TLE3: variants seen among roughly 807,000 people sequenced by gnomAD.
TLE3 encodes the protein transducin-like enhancer protein 3.
TLE3 carries 14 observed loss-of-function variants against 93.0 expected under a neutral mutation model. The observed-to-expected ratio is 0.15, with a 90% confidence interval of 0.10 to 0.24. The LOEUF (loss-of-function observed/expected upper bound fraction) is 0.24. TLE3 is among the 10% of genes least tolerant of loss of function. The pLI, the probability that TLE3 is intolerant of heterozygous loss-of-function variation, is 1.00. For missense variants in TLE3, 693 were observed against 1,046.6 expected, an observed-to-expected ratio of 0.66 and a Z score of 4.66; for synonymous variants, 451 against 425.0, an observed-to-expected ratio of 1.06 and a Z score of -0.75.
chr15:70,053,563 T>C, intron 16 of TLE3, 189 bp from the exon 17 acceptor site: 1 of 568,466 alleles, frequency 1.8e-6, no homozygotes, highest in African/African-American at 1.9e-5. Context: ...CTCTTTCCAG[T>C]TCCACGGAAG....
chr15:70,089,812 T>A (rs1316776530), intron 4 of TLE3, among the ~76,000 whole-genome samples: 1 of 152,198 alleles, frequency 6.6e-6, no homozygotes, highest in African/African-American at 2.4e-5. Flanking sequence ...AAAGGAGATT[T>A]ATTCCTTGAC....
intron 4 of TLE3, among the ~76,000 whole-genome samples, chr15:70,086,808 T>C (rs1447355789): frequency 1.3e-5 from 2 of 152,152 alleles, no homozygotes; most frequent in Non-Finnish European, 2.9e-5. Context: ...TCAGCACTTG[T>C]CTCTTCCGCA....
chr15:70,060,783 G>T, intron 8 of TLE3, 134 bp from the exon 9 acceptor site: 1 of 1,477,080 alleles, frequency 6.8e-7, no homozygotes, highest in Non-Finnish European at 9.1e-7. Context: ...CTGCCCTGCA[G>T]ATCGTGGCTC....
chr15:70,079,326 G>A (rs745333951), intron 4 of TLE3: 1 of 494,370 alleles, frequency 2.0e-6, no homozygotes, highest in Non-Finnish European at 4.1e-6. Context: ...TGCAAGGCAG[G>A]AAGGACTTTG....
At chr15:70,080,634 C>A (rs1483672280) in intron 4 of TLE3, among the ~76,000 whole-genome samples, 3 of 152,176 alleles carry the variant, frequency 2.0e-5, no homozygotes, top group South Asian at 2.1e-4. Context: ...CTGTTCCATG[C>A]GCCTTAGTAG....
chr15:70,059,112 G>A (rs1327912647), intron 10 of TLE3, among the ~76,000 whole-genome samples: 1 of 152,170 alleles, frequency 6.6e-6, no homozygotes, highest in Non-Finnish European at 1.5e-5. Context: ...CTGAGGCTGA[G>A]ACCCTGGGGG....
intron 6 of TLE3, among the ~76,000 whole-genome samples, chr15:70,069,935 AAC>A (rs1395829262): frequency 6.6e-6 from 1 of 152,274 alleles, no homozygotes; most frequent in African/African-American, 2.4e-5. Flanking sequence ...AATGTGCTCA[AAC>A]ACAGTGATGT....
intron 18 of TLE3, among the ~76,000 whole-genome samples, chr15:70,052,102 G>A (rs2055603750): frequency 6.6e-6 from 1 of 152,214 alleles, no homozygotes; most frequent in East Asian, 1.9e-4. Flanking sequence ...CACTGCTACT[G>A]TCCTGTTCCT....
chr15:70,097,829 G>C lies in TLE3; in HGVS notation c.-1031C>G. ...ACACACACACACCAAAAAAAAAAGT[G>C]CCCCGGACCTACGGATACCACACAC... On this transcript the variant is annotated 5_prime_UTR_variant, in exon 1 of 20. Transcript: ENST00000451782. The C allele has an allele frequency of 2.7e-6, 1 of 364,232 alleles. No homozygotes were observed. Among genetic ancestry groups the C allele is most frequent in the Admixed American group, 4.6e-5 (1 of 21,558 alleles). The allele number at this position is 364,232 out of a possible 1,614,324, so 22.6% of individuals were successfully genotyped here.
At position 70,048,167 on chromosome 15, in the gene TLE3, CT is replaced by C. The variant is rs1265410449; in HGVS notation, c.*1929del. 1.3e-5 allele frequency: 2 copies of C among 151,838 alleles called. No individual in the cohort carries two copies. Among genetic ancestry groups the C allele is most frequent in the Non-Finnish European group, 2.9e-5 (2 of 68,016 alleles). The allele number at this position is 151,838 out of a possible 1,614,324, so 9.4% of individuals were successfully genotyped here. On this transcript the variant is annotated 3_prime_UTR_variant, in exon 20 of 20. Transcript: ENST00000451782. ...GGGGGCGGGGGGCGGGACTGGCAAA[CT>C]GGGGGGAGAGGCAATTAAGACGCAA... is the stretch of plus-strand genomic sequence containing the variant.
chr15:70,074,201 C>T (rs1250514210), intron 6 of TLE3, among the ~76,000 whole-genome samples: 1 of 152,238 alleles, frequency 6.6e-6, no homozygotes, highest in Non-Finnish European at 1.5e-5. Flanking sequence ...CAGGTACTGG[C>T]CAGCTGGCCT....
At chr15:70,060,085 G>T (rs1184420131) in intron 9 of TLE3, among the ~76,000 whole-genome samples, 1 of 152,212 alleles carries the variant, frequency 6.6e-6, no homozygotes, top group Non-Finnish European at 1.5e-5. Flanking sequence ...AGGGTCTCAC[G>T]TGCCGGGGGC....
intron 4 of TLE3, among the ~76,000 whole-genome samples, chr15:70,088,271 C>A (rs1332710592): frequency 6.6e-6 from 1 of 152,192 alleles, no homozygotes; most frequent in Non-Finnish European, 1.5e-5. Flanking sequence ...CAAGGCTGAC[C>A]CACAGCTTGC....
At chr15:70,094,833 G>A (rs2058472641) in intron 3 of TLE3, 7 of 491,622 alleles carry the variant, frequency 1.4e-5, no homozygotes. Flanking sequence ...AGCACCACAT[G>A]TGCCCTATAT....
At chr15:70,064,221 C>T (rs61999938) in intron 8 of TLE3, among the ~76,000 whole-genome samples, 2 of 152,112 alleles carry the variant, frequency 1.3e-5, no homozygotes, top group Non-Finnish European at 2.9e-5. Flanking sequence ...CAGTAGCTAC[C>T]CCTCACCCTG....
At chr15:70,074,636 C>T (rs543334770) in intron 5 of TLE3, 29 bp from the exon 6 acceptor site, 12 of 1,583,360 alleles carry the variant, frequency 7.6e-6, no homozygotes, top group South Asian at 6.8e-5. Context: ...GCGTTAGATG[C>T]AGCCACTTTC....
rs1283334294 is a variant in TLE3, at chr15:70,096,874, G to A, written c.-76C>T. 2 of 1,545,910 alleles carry A rather than the reference G, an allele frequency of 1.3e-6. No individual in the cohort carries two copies. The highest frequency in any genetic ancestry group is 2.8e-5 in the African/African-American group (2 of 72,302). On this transcript the variant is annotated 5_prime_UTR_variant, in exon 1 of 20. Transcript: ENST00000451782. ...CCGGGGAGGTGCGGGGGAGGGGGGA[G>A]CCGAGCCCGAGCGGGGGGCGGCCGG...
At chr15:70,078,781 A>G (rs2057587648) in intron 4 of TLE3, among the ~76,000 whole-genome samples, 1 of 152,204 alleles carries the variant, frequency 6.6e-6, no homozygotes, top group Non-Finnish European at 1.5e-5. Context: ...AGGCAGGGGC[A>G]AGGTCAGAAC....
intron 19 of TLE3, 94 bp downstream of exon 19, chr15:70,051,297 C>T (rs1156978142): frequency 1.6e-6 from 2 of 1,289,670 alleles, no homozygotes; most frequent in African/African-American, 3.0e-5. Flanking sequence ...CCAGGCTCCT[C>T]CTGTTCTTCC....
Sources: allele counts gnomAD v4.1 joint callset (sites outside exome capture counted in the v4.1 genomes callset), GRCh38; gene constraint gnomAD v4.1.1; transcripts MANE v1.5; gene names NCBI Gene and HGNC (gene_info 2026-07-23, HGNC 2026-07-21).